The following VPS13B variants were observed in gnomAD, a reference collection of about 807,000 sequenced individuals.
The protein encoded by VPS13B is intermembrane lipid transfer protein VPS13B.
In VPS13B, 285 loss-of-function variants were observed where a neutral mutation model predicts 426.4. The ratio of observed to expected loss-of-function variants is 0.67; its 90% CI spans 0.61 to 0.74. The LOEUF (loss-of-function observed/expected upper bound fraction) is 0.74. Among genes scored for constraint, VPS13B ranks in the 30% least tolerant of loss-of-function variants. The pLI is 0.00. For synonymous variants in VPS13B, 1,676 were observed against 1,676.4 expected, an observed-to-expected ratio of 1.00 and a Z score of 0.01; for missense variants, 4,537 against 4,782.6, an observed-to-expected ratio of 0.95 and a Z score of 1.51.
chr8:99,281,237 T>A (rs1272636634), intron 19 of VPS13B, among the ~76,000 whole-genome samples: 6 of 152,230 alleles, frequency 3.9e-5, no homozygotes, highest in South Asian at 4.1e-4. Context: ...CAGTAATTCT[T>A]GCTTGCCTGC....
At chr8:99,506,993 G>C in intron 27 of VPS13B, 144 bp from the exon 28 acceptor site, 1 of 812,782 alleles carries the variant, frequency 1.2e-6, no homozygotes, top group Non-Finnish European at 2.1e-6. Context: ...AATGTAAATT[G>C]TTCTATTGAT....
intron 32 of VPS13B, 64 bp downstream of exon 32, chr8:99,575,848 G>A (rs185739710): frequency 1.3e-6 from 2 of 1,542,190 alleles, no homozygotes; most frequent in Non-Finnish European, 1.8e-6. Flanking sequence ...TTGTATGTTA[G>A]GGATTGCCAC....
chr8:99,482,928 T>G (rs1820119626), intron 25 of VPS13B, among the ~76,000 whole-genome samples: 1 of 152,010 alleles, frequency 6.6e-6, no homozygotes, highest in South Asian at 2.1e-4. Context: ...TCCAAAACAT[T>G]GCTTAGAGAA....
intron 35 of VPS13B, among the ~76,000 whole-genome samples, chr8:99,690,429 CA>C (rs1274229021): frequency 2.0e-5 from 3 of 152,056 alleles, no homozygotes. Context: ...AAAGCACAAG[CA>C]AAATAACAAA....
intron 54 of VPS13B, among the ~76,000 whole-genome samples, chr8:99,848,285 G>A (rs934500262): frequency 6.6e-6 from 1 of 152,136 alleles, no homozygotes; most frequent in African/African-American, 2.4e-5. Flanking sequence ...ACCCTAGAGG[G>A]GTTGTGATAT....
chr8:99,024,075 GT>G (rs1205833627), intron 2 of VPS13B, among the ~76,000 whole-genome samples: 2 of 152,056 alleles, frequency 1.3e-5, no homozygotes, highest in Non-Finnish European at 2.9e-5. Context: ...TTGTTTGTTT[GT>G]TTGTTTGTTT....
chr8:99,131,906 A>AT (rs965552380), intron 8 of VPS13B, among the ~76,000 whole-genome samples: 1 of 151,604 alleles, frequency 6.6e-6, no homozygotes, highest in Non-Finnish European at 1.5e-5. Context: ...GAGTAGGACT[A>AT]TTTTTTTTGA....
intron 20 of VPS13B, among the ~76,000 whole-genome samples, chr8:99,388,308 TA>T (rs1440384508): frequency 1.3e-5 from 2 of 152,180 alleles, no homozygotes; most frequent in African/African-American, 4.8e-5. Flanking sequence ...TTATCTATAA[TA>T]TTTTTTTAAA....
At chr8:99,143,985 A>C (rs1414481950) in intron 13 of VPS13B, among the ~76,000 whole-genome samples, 2 of 152,146 alleles carry the variant, frequency 1.3e-5, no homozygotes, top group Non-Finnish European at 2.9e-5. Flanking sequence ...ATGACTTTAA[A>C]AGGAAAAGAG....
chr8:99,792,047 A>G (rs1217269359), intron 43 of VPS13B, among the ~76,000 whole-genome samples: 3 of 152,184 alleles, frequency 2.0e-5, no homozygotes, highest in Non-Finnish European at 2.9e-5. Context: ...ACACACATGC[A>G]TGGGGCAAAC....
intron 19 of VPS13B, among the ~76,000 whole-genome samples, chr8:99,354,256 CT>C (rs977176924): frequency 1.5e-5 from 2 of 131,554 alleles, no homozygotes; most frequent in African/African-American, 2.9e-5. Flanking sequence ...CTGTAGCCCC[CT>C]CCCCCTGCCT....
At chr8:99,501,019 A>G (rs1201672605) in intron 25 of VPS13B, among the ~76,000 whole-genome samples, 1 of 152,224 alleles carries the variant, frequency 6.6e-6, no homozygotes, top group Non-Finnish European at 1.5e-5. Context: ...CTTATGCTCT[A>G]TTCCACTAAG....
At chr8:99,578,854 T>C (rs1428891497) in intron 33 of VPS13B, among the ~76,000 whole-genome samples, 1 of 152,196 alleles carries the variant, frequency 6.6e-6, no homozygotes. Context: ...AAATTGGTTA[T>C]TAACTATTTA....
chr8:99,772,002 C>A (rs1444045639), intron 40 of VPS13B, among the ~76,000 whole-genome samples: 1 of 152,166 alleles, frequency 6.6e-6, no homozygotes, highest in Non-Finnish European at 1.5e-5. Flanking sequence ...GCTTTTGAGG[C>A]CCTTTGCTAT....
At chr8:99,837,824 G>A (rs1815473796) in intron 54 of VPS13B, among the ~76,000 whole-genome samples, 2 of 152,194 alleles carry the variant, frequency 1.3e-5, no homozygotes, top group Admixed American at 1.3e-4. Flanking sequence ...AGTCCTTCTG[G>A]AGGAGGGAGT....
At chr8:99,196,471 T>G (rs553061835) in intron 17 of VPS13B, among the ~76,000 whole-genome samples, 26 of 150,464 alleles carry the variant, frequency 1.7e-4, no homozygotes, top group African/African-American at 5.8e-4. Context: ...TTAGGGGTTT[T>G]TTTTTTTTTT....
In VPS13B at chr8:99,850,361, A is replaced by G. The variant is rs933879902; in HGVS notation, c.10061+1467A>G. Among the ~76,000 whole-genome samples the G allele has an allele frequency of 7.4e-5, 11 of 148,954 alleles. No individual in the cohort carries two copies. In the East Asian group the frequency reaches 2.1e-3, roughly 29 times the overall value. On this transcript the variant is annotated intron_variant, in intron 55 of 61. Coordinates refer to ENST00000357162, the MANE Select transcript of VPS13B (RefSeq NM_152564.5). ...TGTACTTATACATACATACATAAGTACGCATGTATGTACTTATACATACAT... is the reference window on the plus strand; with the variant it reads ...TGTACTTATACATACATACATAAGTGCGCATGTATGTACTTATACATACAT...
intron 3 of VPS13B, among the ~76,000 whole-genome samples, chr8:99,046,727 A>G (rs139207687): frequency 7.2e-5 from 11 of 152,110 alleles, no homozygotes; most frequent in East Asian, 1.9e-4. Context: ...TTGTATGCCA[A>G]TTTTCCTGAG....
intron 19 of VPS13B, among the ~76,000 whole-genome samples, chr8:99,357,195 A>G (rs1247191259): frequency 6.6e-6 from 1 of 152,072 alleles, no homozygotes; most frequent in African/African-American, 2.4e-5. Flanking sequence ...TTCTTCCTCT[A>G]CCTCACCTAT....
Sources: allele counts gnomAD v4.1 joint callset (sites outside exome capture counted in the v4.1 genomes callset), GRCh38; gene constraint gnomAD v4.1.1; transcripts MANE v1.5; gene names NCBI Gene and HGNC (gene_info 2026-07-23, HGNC 2026-07-21).